LRRC4C: variants seen among roughly 807,000 people sequenced by gnomAD.
LRRC4C encodes the protein leucine-rich repeat-containing protein 4C.
In LRRC4C, 5 loss-of-function variants were observed where a neutral mutation model predicts 33.6. That is an observed-to-expected ratio of 0.15 (90% CI 0.08 to 0.31). The LOEUF (loss-of-function observed/expected upper bound fraction) is 0.31. Ranked by LOEUF, LRRC4C falls within the 10% of genes least tolerant of loss-of-function variation. LRRC4C has a pLI of 1.00. For missense variants in LRRC4C, 560 were observed against 796.7 expected (o/e 0.70, Z 3.58); for synonymous variants, 329 against 302.0 (o/e 1.09, Z -0.93).
Position 40,466,872 on chromosome 11 carries a change from G to A in LRRC4C, c.-269-147151C>T, listed in dbSNP as rs35380731. On this transcript the variant is annotated intron_variant, in intron 3 of 6. Transcript: ENST00000528697. Reference sequence around the variant, plus strand: ...CTGTAAATTGGTTTTGTTCATTTCAGTTTAAACCACAATGTTTTCAAGTGA... The same window carrying A: ...CTGTAAATTGGTTTTGTTCATTTCAATTTAAACCACAATGTTTTCAAGTGA... Among the ~76,000 whole-genome samples the A allele has an allele frequency of 2.9e-3, 441 of 152,036 alleles. 3 individuals carry two copies. Among genetic ancestry groups the A allele is most frequent in the Non-Finnish European group, 3.7e-3 (252 of 67,918 alleles).
At chr11:40,588,461 T>G (rs1185281741) in intron 3 of LRRC4C, among the ~76,000 whole-genome samples, 241 of 152,010 alleles carry the variant, frequency 1.6e-3, no homozygotes, top group Non-Finnish European at 2.3e-3. Context: ...AAGGGTTTTT[T>G]GTGTCTCTAT....
chr11:41,405,476 T>A (rs140549420), intron 1 of LRRC4C, among the ~76,000 whole-genome samples: 2 of 152,268 alleles, frequency 1.3e-5, no homozygotes, highest in Non-Finnish European at 2.9e-5. Context: ...TTCTTTAGGC[T>A]CTGATAGGCT....
intron 4 of LRRC4C, among the ~76,000 whole-genome samples, chr11:40,256,421 T>A (rs2136219703): frequency 6.6e-6 from 1 of 152,248 alleles, no homozygotes; most frequent in South Asian, 2.1e-4. Context: ...GTAGAGTGCA[T>A]GGCATAGTCC....
chr11:40,945,353 C>G (rs1176411964), intron 1 of LRRC4C, among the ~76,000 whole-genome samples: 2 of 152,048 alleles, frequency 1.3e-5, no homozygotes, highest in Non-Finnish European at 2.9e-5. Flanking sequence ...CCTGGCCAAA[C>G]CCTAACAAAT....
intron 1 of LRRC4C, among the ~76,000 whole-genome samples, chr11:40,987,538 A>T (rs939663927): frequency 6.6e-6 from 1 of 150,456 alleles, no homozygotes; most frequent in African/African-American, 2.4e-5. Context: ...GGGGTTTCCA[A>T]ATTGAATCTA....
intron 1 of LRRC4C, among the ~76,000 whole-genome samples, chr11:40,991,400 A>T (rs1375996452): frequency 6.6e-6 from 1 of 152,164 alleles, no homozygotes; most frequent in Non-Finnish European, 1.5e-5. Context: ...CTAATGCCTT[A>T]TAATGTAACA....
At chr11:40,740,481 A>G (rs1948102381) in intron 2 of LRRC4C, among the ~76,000 whole-genome samples, 2 of 152,006 alleles carry the variant, frequency 1.3e-5, no homozygotes, top group Admixed American at 1.3e-4. Flanking sequence ...TTTCCATTAA[A>G]AAAAGTCAAG....
intron 3 of LRRC4C, among the ~76,000 whole-genome samples, chr11:40,545,679 C>T (rs1956884209): frequency 6.6e-6 from 1 of 152,060 alleles, no homozygotes; most frequent in African/African-American, 2.4e-5. Context: ...CAACAGTTCA[C>T]CTTGCGCTTT....
At chr11:40,427,486 A>C (rs1327395865) in intron 3 of LRRC4C, among the ~76,000 whole-genome samples, 2 of 152,098 alleles carry the variant, frequency 1.3e-5, no homozygotes, top group Non-Finnish European at 2.9e-5. Flanking sequence ...TGGCCTGGGC[A>C]AACAGAGTGA....
In LRRC4C at chr11:40,535,121, A is replaced by T. The variant is rs149635859; in HGVS notation, c.-270+113021T>A. On this transcript the variant is annotated intron_variant, in intron 3 of 6. Coordinates refer to ENST00000528697, the MANE Select transcript of LRRC4C (RefSeq NM_001258419.2). ...TAGGTAGCAGTGTATTATGGGACTA[A>T]ATTTGTCTAAGTTTGGAGTTATAGT... Among the ~76,000 whole-genome samples, 684 of 152,254 alleles carry T rather than the reference A, an allele frequency of 4.5e-3. 22 individuals are homozygous for T. The highest frequency in any genetic ancestry group is 0.032 in the Admixed American group (485 of 15,292).
At chr11:40,462,540 C>A (rs1271511942) in intron 3 of LRRC4C, among the ~76,000 whole-genome samples, 1 of 151,976 alleles carries the variant, frequency 6.6e-6, no homozygotes, top group African/African-American at 2.4e-5. Context: ...GCTTTGTAAA[C>A]CTATTGAGAT....
At chr11:40,890,997 C>A (rs1211514827) in intron 2 of LRRC4C, among the ~76,000 whole-genome samples, 4 of 152,052 alleles carry the variant, frequency 2.6e-5, no homozygotes, top group Non-Finnish European at 5.9e-5. Flanking sequence ...AATATCAGCA[C>A]TCTAGGAGGC....
At chr11:40,511,199 C>A (rs1489808573) in intron 3 of LRRC4C, among the ~76,000 whole-genome samples, 1 of 152,014 alleles carries the variant, frequency 6.6e-6, no homozygotes, top group Non-Finnish European at 1.5e-5. Context: ...ACAGAAAGCC[C>A]ACAATGGTTT....
At chr11:41,201,372 C>G (rs1946392855) in intron 1 of LRRC4C, among the ~76,000 whole-genome samples, 3 of 152,164 alleles carry the variant, frequency 2.0e-5, no homozygotes, top group Admixed American at 2.0e-4. Flanking sequence ...AGTGGCGGCT[C>G]TAGGTTTAAC....
intron 5 of LRRC4C, among the ~76,000 whole-genome samples, chr11:40,165,573 T>C (rs939406442): frequency 6.6e-6 from 1 of 152,234 alleles, no homozygotes; most frequent in Non-Finnish European, 1.5e-5. Context: ...TAGTTCTAAT[T>C]CTGTGATATG....
Position 40,984,946 on chromosome 11 carries a change from G to C in LRRC4C, c.-495-51223C>G, listed in dbSNP as rs549173097. ...AGACGCAATCTCGCTCTGTCACTCA[G>C]GCTGGAGTGCAGTGGTGCGATCTCG... On this transcript the variant is annotated intron_variant, in intron 1 of 6. Coordinates refer to ENST00000528697, the MANE Select transcript of LRRC4C (RefSeq NM_001258419.2). Among the ~76,000 whole-genome samples, 18 of 113,264 alleles carry C rather than the reference G, an allele frequency of 1.6e-4. No individual in the cohort carries two copies. In the South Asian group the frequency reaches 3.7e-3, roughly 23 times the overall value. The allele number at this position is 113,264 out of a possible 152,430, so 74.3% of individuals were successfully genotyped here. A position where few individuals can be genotyped will look rare whatever the true frequency, so the allele number is the denominator to read the frequency against.
Position 40,495,291 on chromosome 11 carries a change from GC to G in LRRC4C, c.-270+152850del, listed in dbSNP as rs72091259. On this transcript the variant is annotated intron_variant, in intron 3 of 6. Coordinates refer to ENST00000528697, the MANE Select transcript of LRRC4C (RefSeq NM_001258419.2). Reference sequence around the variant, plus strand: ...GGCAAAACAAACGAACAACCTCTCCGCCCCCCCCGCCAGAAAAAAATTAATA... The same window carrying G: ...GGCAAAACAAACGAACAACCTCTCCGCCCCCCCGCCAGAAAAAAATTAATA... Among the ~76,000 whole-genome samples the G allele has an allele frequency of 1.7e-4, 25 of 151,492 alleles. 1 individual carries two copies. The highest frequency in any genetic ancestry group is 4.4e-4 in the African/African-American group (18 of 41,240).
intron 3 of LRRC4C, among the ~76,000 whole-genome samples, chr11:40,343,615 A>T (rs1946974719): frequency 6.6e-6 from 1 of 151,380 alleles, no homozygotes; most frequent in Non-Finnish European, 1.5e-5. Flanking sequence ...AGTATTCAAA[A>T]CCATTGTTTT....
chr11:40,267,947 G>A (rs902668951), intron 4 of LRRC4C, among the ~76,000 whole-genome samples: 5 of 151,980 alleles, frequency 3.3e-5, no homozygotes, highest in South Asian at 2.1e-4. Context: ...TCCCTACTTC[G>A]AACCCTTCAT....
Sources: gnomAD v4.1 joint callset for allele counts (sites outside exome capture counted in the v4.1 genomes callset) on GRCh38, gnomAD v4.1.1 for gene constraint, MANE v1.5 for transcripts, NCBI Gene and HGNC (gene_info 2026-07-23, HGNC 2026-07-21) for gene names.